Variants in SV2C observed in about 807,000 individuals in gnomAD.
SV2C encodes the protein solute carrier family 22 member B3.
In SV2C, 49 loss-of-function variants were observed where a neutral mutation model predicts 79.7. The observed-to-expected ratio is 0.61, with a 90% CI of 0.49 to 0.78. The LOEUF (loss-of-function observed/expected upper bound fraction) is 0.78, where lower values mean the gene tolerates loss of function less well. Among genes scored for constraint, SV2C ranks in the 30% least tolerant of loss-of-function variants. The pLI, the probability that SV2C is intolerant of heterozygous loss-of-function variation, is 0.00. For missense variants in SV2C, 833 were observed against 912.9 expected, an observed-to-expected ratio of 0.91 and a Z score of 1.13; for synonymous variants, 334 against 333.2, an observed-to-expected ratio of 1.00 and a Z score of -0.03.
At chr5:76,079,051 G>A (rs73766001), upstream of SV2C, 16,732 of 403,122 alleles carry the variant, frequency 0.042, 2,522 homozygotes, top group African/African-American at 0.32. Flanking sequence ...GTCCACCACC[G>A]ATGGGCGCCT....
At chr5:76,002,936 A>G in the SV2C span, among the ~76,000 whole-genome samples, 1 of 151,968 alleles carries the variant, frequency 6.6e-6, no homozygotes, top group African/African-American at 2.4e-5. Context: ...TCCCCACCCA[A>G]ATCTCATCTT....
chr5:76,093,295 T>C (rs1382052381), intron 1 of SV2C, among the ~76,000 whole-genome samples: 1 of 152,160 alleles, frequency 6.6e-6, no homozygotes, highest in Non-Finnish European at 1.5e-5. Flanking sequence ...CTGAATTCCA[T>C]TGTTCCCTGC....
chr5:76,282,208 T>C (rs1747219242), intron 4 of SV2C, among the ~76,000 whole-genome samples: 1 of 152,076 alleles, frequency 6.6e-6, no homozygotes, highest in African/African-American at 2.4e-5. Flanking sequence ...CAAATTGATA[T>C]AATAAGCAAA....
At chr5:76,101,946 G>T (rs1386547209) in intron 1 of SV2C, among the ~76,000 whole-genome samples, 4 of 152,180 alleles carry the variant, frequency 2.6e-5, no homozygotes, top group Admixed American at 2.6e-4. Flanking sequence ...CTGCTGTGCT[G>T]CTGGGCACTT....
the SV2C span, among the ~76,000 whole-genome samples, chr5:75,885,574 G>A: frequency 6.6e-6 from 1 of 152,110 alleles, no homozygotes; most frequent in Non-Finnish European, 1.5e-5. Flanking sequence ...TATGCTATGA[G>A]TAATAACATT....
At chr5:76,309,266 T>C (rs1748320159) in intron 12 of SV2C, among the ~76,000 whole-genome samples, 1 of 152,084 alleles carries the variant, frequency 6.6e-6, no homozygotes, top group Non-Finnish European at 1.5e-5. Context: ...CTCCCTCTAA[T>C]GGCCAGAAAG....
the SV2C span, among the ~76,000 whole-genome samples, chr5:75,958,475 C>G: frequency 6.6e-6 from 1 of 151,978 alleles, no homozygotes; most frequent in Non-Finnish European, 1.5e-5. Context: ...TTTCCTGATT[C>G]CTTCTGTTGT....
the SV2C span, among the ~76,000 whole-genome samples, chr5:75,867,096 T>A: frequency 6.6e-6 from 1 of 152,172 alleles, no homozygotes; most frequent in South Asian, 2.1e-4. Context: ...GAACCTAAGA[T>A]AGCTTCTCCA....
At chr5:76,163,614 A>G (rs1207486478) in intron 2 of SV2C, among the ~76,000 whole-genome samples, 1 of 151,910 alleles carries the variant, frequency 6.6e-6, no homozygotes, top group African/African-American at 2.4e-5. Context: ...TTGGTGCTCC[A>G]TTAGCCCTGC....
chr5:76,202,279 A>G (rs1250478955), intron 3 of SV2C, among the ~76,000 whole-genome samples: 1 of 152,214 alleles, frequency 6.6e-6, no homozygotes, highest in Non-Finnish European at 1.5e-5. Context: ...TCAGCACTTT[A>G]TATTAGTAAA....
the SV2C span, among the ~76,000 whole-genome samples, chr5:75,896,944 G>A: frequency 2.8e-5 from 4 of 144,378 alleles, no homozygotes; most frequent in Non-Finnish European, 5.9e-5. Flanking sequence ...ATTTGTTTGA[G>A]TTCATTGTAG....
the SV2C span, among the ~76,000 whole-genome samples, chr5:76,068,158 T>C: frequency 1.3e-5 from 2 of 152,152 alleles, no homozygotes; most frequent in African/African-American, 4.8e-5. Flanking sequence ...ATGCCCCCAG[T>C]GTTTGCTTAG....
intron 4 of SV2C, among the ~76,000 whole-genome samples, chr5:76,226,286 T>A (rs144884379): frequency 0.011 from 1,674 of 151,356 alleles, 36 homozygotes; most frequent in African/African-American, 0.038. Flanking sequence ...AACTTAAATA[T>A]CCTAGGAACC....
At chr5:75,882,680 GA>G in the SV2C span, among the ~76,000 whole-genome samples, 4,277 of 151,990 alleles carry the variant, frequency 0.028, 183 homozygotes, top group African/African-American at 0.094. Flanking sequence ...ATGGTGCTGG[GA>G]AAACAGGCTA....
chr5:76,304,695 C>A (rs754262001), intron 12 of SV2C, among the ~76,000 whole-genome samples: 5 of 152,094 alleles, frequency 3.3e-5, no homozygotes, highest in Non-Finnish European at 7.3e-5. Context: ...TCAGAGGAGA[C>A]GAACACTGTG....
chr5:76,040,441 A>G, the SV2C span, among the ~76,000 whole-genome samples: 3 of 152,232 alleles, frequency 2.0e-5, no homozygotes, highest in African/African-American at 4.8e-5. Context: ...GCAACAGACA[A>G]TGCCTTTGAT....
the SV2C span, among the ~76,000 whole-genome samples, chr5:76,062,455 A>G: frequency 1.3e-4 from 20 of 152,252 alleles, no homozygotes; most frequent in South Asian, 4.1e-4. Flanking sequence ...TCAACAGACA[A>G]TGAACCTGCT....
At chr5:75,976,751 A>G in the SV2C span, among the ~76,000 whole-genome samples, 1 of 152,236 alleles carries the variant, frequency 6.6e-6, no homozygotes, top group African/African-American at 2.4e-5. Flanking sequence ...CTTATCAATA[A>G]CTTAAATATG....
intron 4 of SV2C, among the ~76,000 whole-genome samples, chr5:76,241,194 T>C (rs1285341878): frequency 1.3e-5 from 2 of 151,632 alleles, no homozygotes; most frequent in Non-Finnish European, 1.5e-5. Context: ...TTTTTTTTTT[T>C]TTTTTCCCAA....
Sources: gnomAD v4.1 joint callset for allele counts (sites outside exome capture counted in the v4.1 genomes callset) on GRCh38, gnomAD v4.1.1 for gene constraint, MANE v1.5 for transcripts, NCBI Gene and HGNC (gene_info 2026-07-23, HGNC 2026-07-21) for gene names.